BRF1: variants seen among roughly 807,000 people sequenced by gnomAD.
BRF1 encodes the protein transcription factor IIIB 90 kDa subunit.
A neutral mutation model predicts 81.7 loss-of-function variants in BRF1; 59 were observed. That is an observed-to-expected ratio of 0.72 (90% confidence interval 0.59 to 0.90). The LOEUF (loss-of-function observed/expected upper bound fraction) is 0.90. BRF1 is among the 40% of genes least tolerant of loss of function. The pLI is 0.00. For missense variants in BRF1, 1,050 were observed against 936.3 expected (o/e 1.12, Z -1.58); for synonymous variants, 491 against 395.6 (o/e 1.24, Z -2.86).
chr14:105,226,281 C>G lies in BRF1; in HGVS notation c.925G>C (p.Val309Leu), dbSNP rs773221690. 1 of 1,613,922 alleles carries G rather than the reference C, an allele frequency of 6.2e-7. No homozygotes were observed. The highest frequency in any genetic ancestry group is 2.2e-5 in the East Asian group (1 of 44,888). Residue 309 changes from valine to leucine, a missense_variant, in exon 9 of 18, where the codon GTC becomes CTC. Physicochemically the swap from Val to Leu is conservative, Grantham distance 32. Transcript: ENST00000547530. ...RKLRMKQLEQVLSKKLEEVEG... is the reference protein window; with the variant it reads ...RKLRMKQLEQLLSKKLEEVEG... The stretch of plus-strand genomic sequence containing the variant: ...ACCTCCTCCAGTTTTTTTGACAGGA[C>G]TTGTTCAAGCTGAAAGGGAACAGGG...
chr14:105,288,148 A>C (rs116989871), intron 1 of BRF1, among the ~76,000 whole-genome samples: 2,395 of 152,300 alleles, frequency 0.016, 32 homozygotes, highest in Non-Finnish European at 0.024. Context: ...CCACAAACCT[A>C]GTGGCTTTCA....
At chr14:105,213,381 A>C (rs1465165021) in intron 15 of BRF1, 1 of 150,594 alleles carries the variant, frequency 6.6e-6, no homozygotes, top group Admixed American at 6.6e-5. Flanking sequence ...AAGGGCCCTG[A>C]GACCCCGCTG....
rs1404494725 is a variant in BRF1, at chr14:105,297,854, G to T, written c.184+2592C>A. ...TACTAAAAATACAAAAAATTAGCCGGGCGTGGTGGCGGTCGCCTGTAGTCC... is the reference window on the plus strand; with the variant it reads ...TACTAAAAATACAAAAAATTAGCCGTGCGTGGTGGCGGTCGCCTGTAGTCC... On this transcript the variant is annotated intron_variant, in intron 1 of 17. Transcript: ENST00000547530. Among the ~76,000 whole-genome samples, 3 of 152,156 alleles carry T rather than the reference G, an allele frequency of 2.0e-5. No individual in the cohort carries two copies. In the East Asian group the frequency reaches 5.8e-4, roughly 29 times the overall value.
chr14:105,272,985 G>C, intron 2 of BRF1, 91 bp from the exon 3 acceptor site: 2 of 1,377,880 alleles, frequency 1.5e-6, no homozygotes, highest in Non-Finnish European at 1.9e-6. Context: ...TAAGAATATA[G>C]ATTTGTGCTT....
chr14:105,226,399 G>T, intron 8 of BRF1, 109 bp from the exon 9 acceptor site: 2 of 1,508,702 alleles, frequency 1.3e-6, no homozygotes, highest in Non-Finnish European at 1.8e-6. Context: ...GAACTTAGGG[G>T]TACGCAGCGA....
chr14:105,221,245 T>C (rs1217819486), intron 11 of BRF1, among the ~76,000 whole-genome samples: 3 of 152,138 alleles, frequency 2.0e-5, no homozygotes, highest in Non-Finnish European at 2.9e-5. Flanking sequence ...CTGGGCACTA[T>C]GGGGCAGGGG....
intron 8 of BRF1, 142 bp downstream of exon 8, chr14:105,226,492 C>G (rs868628626): frequency 1.3e-6 from 2 of 1,498,948 alleles, no homozygotes; most frequent in Non-Finnish European, 1.8e-6. Context: ...CCCGGAGCCT[C>G]GGGCTCTGGC....
At chr14:105,218,188 A>G (rs1891644325) in intron 14 of BRF1, among the ~76,000 whole-genome samples, 1 of 152,036 alleles carries the variant, frequency 6.6e-6, no homozygotes. Context: ...CTCAGTGAAG[A>G]CAGACAATCC....
rs964312653 is a variant in BRF1 at position 105,210,656 on chromosome 14, G to A, written c.1997-68C>T. On this transcript the variant is annotated intron_variant, in intron 17 of 17. Coordinates refer to ENST00000547530, the MANE Select transcript of BRF1 (RefSeq NM_001519.4). The surrounding 1 kb of genome is among the most constrained non-coding windows in gnomAD (Gnocchi z 4.7). Reference sequence around the variant, plus strand: ...CCCAGGAGCCCAGACCCCCCAACCCGCCCTGTTCCTGGTGCCCCCCTAGAA... The same window carrying A: ...CCCAGGAGCCCAGACCCCCCAACCCACCCTGTTCCTGGTGCCCCCCTAGAA... 61 of 1,550,042 alleles carry A rather than the reference G, an allele frequency of 3.9e-5. No homozygotes were observed. The East Asian group carries it at 1.1e-3, about 29-fold the overall frequency.
intron 5 of BRF1, chr14:105,247,365 T>G: frequency 1.0e-6 from 1 of 985,444 alleles, no homozygotes; most frequent in Non-Finnish European, 1.2e-6. Context: ...GCCTGGGGGC[T>G]CGGGCACCCC....
Position 105,209,374 on chromosome 14 carries a change from C to G in BRF1, c.*1177G>C. 1 of 603,580 alleles carries G rather than the reference C, an allele frequency of 1.7e-6. No homozygotes were observed. The highest frequency in any genetic ancestry group is 3.0e-6 in the Non-Finnish European group (1 of 335,188). The allele number at this position is 603,580 out of a possible 1,614,324, so 37.4% of individuals were successfully genotyped here. ...GAAGCCCTGGCAGGACCCAGGCTGGCTACTGAGCTCTGGGCGGGGGTAGGG... is the reference window on the plus strand; with the variant it reads ...GAAGCCCTGGCAGGACCCAGGCTGGGTACTGAGCTCTGGGCGGGGGTAGGG... On this transcript the variant is annotated 3_prime_UTR_variant, in exon 18 of 18. Transcript: ENST00000547530.
intron 5 of BRF1, chr14:105,248,840 C>A (rs1013989461): frequency 3.0e-6 from 3 of 989,832 alleles, no homozygotes; most frequent in South Asian, 4.6e-5. Flanking sequence ...CCACAGGCGC[C>A]GAGGCTGCCC....
intron 15 of BRF1, among the ~76,000 whole-genome samples, chr14:105,217,032 C>T (rs187592904): frequency 1.3e-5 from 2 of 152,338 alleles, no homozygotes; most frequent in African/African-American, 4.8e-5. Flanking sequence ...GGCGGCCCTG[C>T]ATGGAGCTGC....
intron 1 of BRF1, among the ~76,000 whole-genome samples, chr14:105,297,145 G>A (rs181806510): frequency 5.9e-5 from 9 of 152,118 alleles, no homozygotes; most frequent in East Asian, 1.9e-4. Flanking sequence ...GTGACAGAGC[G>A]AGACTCCATC....
intron 5 of BRF1, chr14:105,250,216 C>A (rs781231156): frequency 6.2e-7 from 1 of 1,612,964 alleles, no homozygotes; most frequent in East Asian, 2.2e-5. Flanking sequence ...AGGGCCTCGC[C>A]CCGCAGAGGT....
At chr14:105,312,655 C>A (rs919658703) in intron 1 of BRF1, among the ~76,000 whole-genome samples, 1 of 152,180 alleles carries the variant, frequency 6.6e-6, no homozygotes, top group Non-Finnish European at 1.5e-5. Context: ...AAGAGAAGGA[C>A]CAGCACAGCA....
At chr14:105,257,733 A>G (rs1373334221) in intron 3 of BRF1, among the ~76,000 whole-genome samples, 4 of 152,184 alleles carry the variant, frequency 2.6e-5, no homozygotes, top group African/African-American at 7.2e-5. Context: ...AGCAGTAAGA[A>G]CTACCTGGGG....
chr14:105,244,359 G>T (rs1037336941), intron 5 of BRF1, among the ~76,000 whole-genome samples: 1 of 152,208 alleles, frequency 6.6e-6, no homozygotes, highest in Non-Finnish European at 1.5e-5. Flanking sequence ...TGGGAGGATT[G>T]CTTGAGTCCA....
intron 15 of BRF1, among the ~76,000 whole-genome samples, chr14:105,216,085 T>C (rs1048927309): frequency 4.6e-4 from 67 of 145,292 alleles, no homozygotes; most frequent in Non-Finnish European, 1.5e-4. Flanking sequence ...TGCACACAAA[T>C]ACTGCATGCG....
Sources: gnomAD v4.1 joint callset for allele counts (sites outside exome capture counted in the v4.1 genomes callset) on GRCh38, gnomAD v4.1.1 for gene constraint, Gnocchi (gnomAD v3.1) non-coding constraint, MANE v1.5 for transcripts, NCBI Gene and HGNC (gene_info 2026-07-23, HGNC 2026-07-21) for gene names.